SLC24A2: variants seen among roughly 807,000 people sequenced by gnomAD.
SLC24A2 encodes the protein solute carrier family 24 member 2, also known as sodium/potassium/calcium exchanger 2.
A neutral mutation model predicts 62.0 loss-of-function variants in SLC24A2; 36 were observed. That is an observed-to-expected ratio of 0.58 (90% CI 0.44 to 0.77). The LOEUF (loss-of-function observed/expected upper bound fraction) is 0.77. Ranked by LOEUF, SLC24A2 falls within the 30% of genes least tolerant of loss-of-function variation. The probability of loss-of-function intolerance (pLI) is 0.00; values close to 1 mark genes in which losing one functional copy is unlikely to be tolerated. For missense variants in SLC24A2, 846 were observed against 817.9 expected, an observed-to-expected ratio of 1.03 and a Z score of -0.42; for synonymous variants, 358 against 294.0, an observed-to-expected ratio of 1.22 and a Z score of -2.23.
At chr9:19,590,565 C>T (rs1488556137) in intron 5 of SLC24A2, among the ~76,000 whole-genome samples, 2 of 152,180 alleles carry the variant, frequency 1.3e-5, no homozygotes, top group Non-Finnish European at 2.9e-5. Flanking sequence ...AGCGGACTTC[C>T]TGGTCTCCCT....
At chr9:19,517,455 G>T (rs1832986410) in intron 10 of SLC24A2, among the ~76,000 whole-genome samples, 1 of 152,208 alleles carries the variant, frequency 6.6e-6, no homozygotes, top group African/African-American at 2.4e-5. Flanking sequence ...GAGGGTGAAA[G>T]GGGCAGTGAG....
intron 5 of SLC24A2, among the ~76,000 whole-genome samples, chr9:19,584,481 A>G (rs1836305699): frequency 1.3e-5 from 2 of 152,284 alleles, no homozygotes; most frequent in South Asian, 4.2e-4. Context: ...ATGGAGGCCC[A>G]GAGAATAAGA....
Position 19,550,259 on chromosome 9 carries a change from C to T in SLC24A2, c.1357G>A (p.Glu453Lys), listed in dbSNP as rs762868604. 6.2e-7 allele frequency: 1 copy of T among 1,613,974 alleles called. No homozygotes were observed. The highest frequency in any genetic ancestry group is 1.3e-5 in the African/African-American group (1 of 74,924). ...IEGAEAQTAD[E>K]EEDQPLSLAW... ...AGGCTGAGAGGCTGGTCCTCCTCCT[C>T]ATCAGCGGTCTGTGGTAGAAAAAGA... The change falls in exon 8 of 11, where the codon GAG (glutamate) becomes AAG (lysine). Residue 453 changes from glutamate to lysine, a missense_variant. Glu to Lys is a moderately conservative substitution (Grantham distance 56). Coordinates refer to ENST00000341998, the MANE Select transcript of SLC24A2 (RefSeq NM_020344.4).
chr9:19,823,923 A>G, the SLC24A2 span, among the ~76,000 whole-genome samples: 28 of 152,324 alleles, frequency 1.8e-4, no homozygotes, highest in Non-Finnish European at 4.4e-5. Flanking sequence ...CAATGGGGAA[A>G]TGATTCCCTA....
At chr9:19,892,999 A>T in the SLC24A2 span, among the ~76,000 whole-genome samples, 1 of 152,134 alleles carries the variant, frequency 6.6e-6, no homozygotes, top group African/African-American at 2.4e-5. Context: ...AGGGGAAGAA[A>T]ACATGTAGCC....
chr9:20,164,207 G>A, the SLC24A2 span, among the ~76,000 whole-genome samples: 2 of 151,924 alleles, frequency 1.3e-5, no homozygotes, highest in Admixed American at 6.6e-5. Context: ...CCTACAAAAT[G>A]GGAGAAAATT....
chr9:19,906,781 A>G, the SLC24A2 span, among the ~76,000 whole-genome samples: 1 of 152,226 alleles, frequency 6.6e-6, no homozygotes, highest in Non-Finnish European at 1.5e-5. Flanking sequence ...GCCAGGAAGA[A>G]GTTGAATCTC....
At chr9:19,576,268 G>C (rs1286372547) in intron 6 of SLC24A2, among the ~76,000 whole-genome samples, 1 of 152,170 alleles carries the variant, frequency 6.6e-6, no homozygotes, top group African/African-American at 2.4e-5. Flanking sequence ...TAGAATAAGA[G>C]AGCTATATTA....
chr9:19,687,650 G>T (rs983626521), intron 2 of SLC24A2, among the ~76,000 whole-genome samples: 1 of 151,996 alleles, frequency 6.6e-6, no homozygotes. Context: ...TCCTGTTTGG[G>T]GTTTTACCTT....
At chr9:20,105,660 G>T in the SLC24A2 span, among the ~76,000 whole-genome samples, 1 of 151,842 alleles carries the variant, frequency 6.6e-6, no homozygotes, top group Non-Finnish European at 1.5e-5. Context: ...TGAGAACAAA[G>T]ACACAACATA....
intron 2 of SLC24A2, among the ~76,000 whole-genome samples, chr9:19,667,283 C>A (rs958462782): frequency 2.6e-5 from 4 of 152,090 alleles, no homozygotes; most frequent in African/African-American, 4.8e-5. Context: ...AAAAAGTATT[C>A]GAAACTGAAT....
chr9:19,657,150 A>G (rs945073335), intron 2 of SLC24A2, among the ~76,000 whole-genome samples: 4 of 152,218 alleles, frequency 2.6e-5, no homozygotes, highest in Non-Finnish European at 5.9e-5. Flanking sequence ...GTCCGTTTAC[A>G]TTCAGAACAT....
At chr9:19,990,616 C>T in the SLC24A2 span, among the ~76,000 whole-genome samples, 1 of 45,130 alleles carries the variant, frequency 2.2e-5, no homozygotes, top group Non-Finnish European at 5.2e-5. Flanking sequence ...CCTAAAAAAA[C>T]AAAAAAAAAA....
At position 19,516,052 on chromosome 9, in the gene SLC24A2, G is replaced by A; in HGVS notation, c.*101C>T. ...ACCAAGGAGGGACACTTGGCACCCA[G>A]GGCTGTGTGCCAGCTGCCTCTTCTC... On this transcript the variant is annotated 3_prime_UTR_variant, in exon 11 of 11. Coordinates refer to ENST00000341998, the MANE Select transcript of SLC24A2 (RefSeq NM_020344.4). The A allele has an allele frequency of 6.9e-7, 1 of 1,449,546 alleles. No individual in the cohort carries two copies. The highest frequency in any genetic ancestry group is 1.4e-5 in the African/African-American group (1 of 71,594). 89.8% of individuals were successfully genotyped at this position (1,449,546 alleles called of 1,614,324 possible).
At chr9:19,530,913 C>T (rs193227734) in intron 8 of SLC24A2, among the ~76,000 whole-genome samples, 127 of 152,288 alleles carry the variant, frequency 8.3e-4, no homozygotes, top group African/African-American at 2.8e-3. Context: ...CTGTACCACA[C>T]GTGCTCCCAA....
the SLC24A2 span, among the ~76,000 whole-genome samples, chr9:20,251,251 T>G: frequency 6.6e-6 from 1 of 152,220 alleles, no homozygotes; most frequent in African/African-American, 2.4e-5. Context: ...AGGTGTTTCC[T>G]CTCAGCAAGG....
chr9:20,249,896 T>C, the SLC24A2 span, among the ~76,000 whole-genome samples: 2 of 152,270 alleles, frequency 1.3e-5, no homozygotes, highest in East Asian at 3.9e-4. Context: ...CATAGACTCA[T>C]CTGTATAGAT....
chr9:20,204,226 T>C, the SLC24A2 span, among the ~76,000 whole-genome samples: 1 of 152,180 alleles, frequency 6.6e-6, no homozygotes, highest in Non-Finnish European at 1.5e-5. Flanking sequence ...CCTTGTACAG[T>C]TGAATTGCTG....
At chr9:19,536,687 C>T (rs1388495512) in intron 8 of SLC24A2, among the ~76,000 whole-genome samples, 1 of 34,772 alleles carries the variant, frequency 2.9e-5, no homozygotes, top group African/African-American at 1.4e-4. Flanking sequence ...TTTATAGCAG[C>T]ATGATTTATA....
Sources: gnomAD v4.1 joint callset for allele counts (sites outside exome capture counted in the v4.1 genomes callset) on GRCh38, gnomAD v4.1.1 for gene constraint, MANE v1.5 for transcripts, NCBI Gene and HGNC (gene_info 2026-07-23, HGNC 2026-07-21) for gene names.